GLDC: variants seen among roughly 807,000 people sequenced by gnomAD.
GLDC encodes glycine decarboxylase.
A neutral mutation model predicts 121.3 loss-of-function variants in GLDC; 104 were observed. The ratio of observed to expected loss-of-function variants is 0.86; its 90% CI spans 0.73 to 1.01. The LOEUF is 1.01. Ranked by LOEUF, GLDC falls within the 50% of genes least tolerant of loss-of-function variation. GLDC has a pLI of 0.00. For synonymous variants in GLDC, 546 were observed against 480.6 expected (o/e 1.14, Z -1.78); for missense variants, 1,429 against 1,306.6 (o/e 1.09, Z -1.44).
chr9:6,554,558 G>A lies in GLDC; in HGVS notation c.2315+111C>T, dbSNP rs4740848. On this transcript the variant is annotated intron_variant, in intron 19 of 24. Transcript: ENST00000321612. ...CCAGCCCCTACAAGTGCACTACACCGATGAGGGTATCCTCAACACATGAAG... is the reference window on the plus strand; with the variant it reads ...CCAGCCCCTACAAGTGCACTACACCAATGAGGGTATCCTCAACACATGAAG... 427,256 of 814,170 alleles carry A rather than the reference G, an allele frequency of 0.52. 113,096 individuals are homozygous for A. Among genetic ancestry groups the A allele is most frequent in the East Asian group, 0.58 (21,952 of 37,690 alleles). The allele number at this position is 814,170 out of a possible 1,614,324, so 50.4% of individuals were successfully genotyped here.
At chr9:6,617,582 A>G (rs753825103) in intron 3 of GLDC, among the ~76,000 whole-genome samples, 13 of 152,236 alleles carry the variant, frequency 8.5e-5, no homozygotes, top group Admixed American at 2.6e-4. Flanking sequence ...ATGCAAACGC[A>G]TTCACAGACG....
chr9:6,588,874 A>C (rs1011893017), intron 12 of GLDC, among the ~76,000 whole-genome samples, 172 bp from the exon 13 acceptor site: 26 of 152,302 alleles, frequency 1.7e-4, no homozygotes, highest in Non-Finnish European at 3.2e-4. Flanking sequence ...CACAAACCTC[A>C]GAGGATGTCT....
chr9:6,585,654 T>C (rs1818254822), intron 15 of GLDC, among the ~76,000 whole-genome samples: 2 of 152,074 alleles, frequency 1.3e-5, no homozygotes, highest in Non-Finnish European at 2.9e-5. Context: ...GAAACAGAAA[T>C]TTTGCATTAC....
chr9:6,588,457 T>C lies in GLDC; in HGVS notation c.1666-15A>G, dbSNP rs1051681339. ...GTGCAGGATCCCTTTAAGAAGAACA[T>C]CCAAAATGTATCACATTAGTGATTT... is the stretch of plus-strand genomic sequence containing the variant. On this transcript the variant is annotated splice_polypyrimidine_tract_variant and intron_variant, in intron 13 of 24. Transcript: ENST00000321612. The C allele has an allele frequency of 6.2e-7, 1 of 1,606,916 alleles. No homozygotes were observed. Among genetic ancestry groups the C allele is most frequent in the South Asian group, 1.1e-5 (1 of 90,932 alleles).
intron 15 of GLDC, among the ~76,000 whole-genome samples, chr9:6,583,858 AG>A (rs1197986380): frequency 6.6e-6 from 1 of 152,212 alleles, no homozygotes; most frequent in African/African-American, 2.4e-5. Context: ...GCCAGGGGCC[AG>A]GGAAAAAGGG....
At chr9:6,540,019 G>T in intron 22 of GLDC, 32 bp downstream of exon 22, 1 of 1,341,370 alleles carries the variant, frequency 7.5e-7, no homozygotes, top group South Asian at 1.2e-5. Flanking sequence ...CAGCCAGCAT[G>T]GGCGGCGGCA....
intron 7 of GLDC, among the ~76,000 whole-genome samples, chr9:6,603,887 G>T (rs1181094298): frequency 6.6e-6 from 1 of 151,322 alleles, no homozygotes; most frequent in South Asian, 2.1e-4. Context: ...CCACCACCAC[G>T]CCCACCTAAT....
At chr9:6,589,963 G>A (rs879724538) in intron 11 of GLDC, among the ~76,000 whole-genome samples, 14 of 151,972 alleles carry the variant, frequency 9.2e-5, no homozygotes, top group South Asian at 2.1e-4. Context: ...GCTGAGGCAG[G>A]AGAATGGCGT....
At position 6,554,679 on chromosome 9, in the gene GLDC, G is replaced by A. The variant is rs751114163; in HGVS notation, c.2305C>T (p.Pro769Ser). Reference sequence around the variant, plus strand: ...CAGCCCAGAACTTACACTCCGATGGGCCCCATGCCAGGACCACCTCCTCCG... The same window carrying A: ...CAGCCCAGAACTTACACTCCGATGGACCCCATGCCAGGACCACCTCCTCCG... ...PHGGGGPGMG[P>S]IGVKKHLAPF... Residue 769 changes from proline (P) to serine (S), a missense_variant, in exon 19 of 25, where the codon CCC becomes TCC. By Grantham distance (74) the Pro-to-Ser change is moderately conservative. Coordinates refer to ENST00000321612, the MANE Select transcript of GLDC (RefSeq NM_000170.3). 6.2e-7 allele frequency: 1 copy of A among 1,609,290 alleles called. No homozygotes were observed.
chr9:6,630,148 G>T (rs1418669615), intron 2 of GLDC, among the ~76,000 whole-genome samples: 2 of 151,280 alleles, frequency 1.3e-5, no homozygotes, highest in African/African-American at 4.9e-5. Flanking sequence ...TTGTGTATTT[G>T]TAATTAAAAT....
Position 6,604,112 on chromosome 9 carries a change from A to G in GLDC, c.1058+476T>C, listed in dbSNP as rs182695409. 1.5e-4 allele frequency among the ~76,000 whole-genome samples: 23 copies of G among 152,102 alleles called. No homozygotes were observed. In the East Asian group the frequency reaches 3.5e-3, roughly 23 times the overall value. ...GTTTTTAATCTGAGAAGTTTCACCA[A>G]TGAGAAGCAGTCAGGAAAGTACATT... On this transcript the variant is annotated intron_variant, in intron 7 of 24. Transcript: ENST00000321612.
In GLDC at chr9:6,592,224, C is replaced by G. The variant is rs386833525; in HGVS notation, c.1402-1G>C. ...CTGTTTCATCAAGAGAAATACCAAG[C>G]TACAGAAACACAAACAAAATGGAAA... On this transcript the variant is annotated splice_acceptor_variant, in intron 10 of 24. Transcript: ENST00000321612. LOFTEE classifies it high-confidence loss of function. The G allele has an allele frequency of 6.3e-7, 1 of 1,578,878 alleles. No homozygotes were observed. Among genetic ancestry groups the G allele is most frequent in the Non-Finnish European group, 8.7e-7 (1 of 1,148,556 alleles).
intron 14 of GLDC, 124 bp downstream of exon 14, chr9:6,588,277 A>G: frequency 5.0e-6 from 4 of 797,310 alleles, no homozygotes; most frequent in Non-Finnish European, 9.2e-6. Context: ...AAGGTAAAGA[A>G]TTATTAAAAT....
At chr9:6,553,236 C>T (rs986097214) in intron 20 of GLDC, 132 bp downstream of exon 20, 5 of 798,896 alleles carry the variant, frequency 6.3e-6, no homozygotes, top group Non-Finnish European at 8.3e-6. Flanking sequence ...AGGCCATCAG[C>T]AATATTCTTT....
At chr9:6,579,647 CCA>C (rs1473929730) in intron 15 of GLDC, among the ~76,000 whole-genome samples, 1 of 152,152 alleles carries the variant, frequency 6.6e-6, no homozygotes, top group Non-Finnish European at 1.5e-5. Flanking sequence ...GCCACCGTGC[CCA>C]GTCCTGATTG....
At chr9:6,543,870 T>C (rs1817326075) in intron 21 of GLDC, among the ~76,000 whole-genome samples, 1 of 143,980 alleles carries the variant, frequency 6.9e-6, no homozygotes. Context: ...AGGTACCACG[T>C]GAAAGGGGCA....
intron 8 of GLDC, among the ~76,000 whole-genome samples, chr9:6,599,738 C>T (rs1201260568): frequency 6.9e-6 from 1 of 144,446 alleles, no homozygotes; most frequent in East Asian, 1.9e-4. Flanking sequence ...AAAAAAACAA[C>T]CAAAAAAACA....
chr9:6,604,913 A>C (rs1041650148), intron 6 of GLDC, 129 bp from the exon 7 acceptor site: 1 of 885,596 alleles, frequency 1.1e-6, no homozygotes, highest in Non-Finnish European at 1.9e-6. Flanking sequence ...TCCATTGCTC[A>C]TTCATTCATT....
intron 4 of GLDC, among the ~76,000 whole-genome samples, chr9:6,607,523 A>C (rs1028285023): frequency 6.6e-6 from 1 of 152,188 alleles, no homozygotes; most frequent in African/African-American, 2.4e-5. Flanking sequence ...CAGAGGTTGC[A>C]GTGAGCCAAG....
Sources: gnomAD v4.1 joint callset for allele counts (sites outside exome capture counted in the v4.1 genomes callset) on GRCh38, gnomAD v4.1.1 for gene constraint, MANE v1.5 for transcripts, NCBI Gene and HGNC (gene_info 2026-07-23, HGNC 2026-07-21) for gene names.